NEURL1B: variants seen among roughly 807,000 people sequenced by gnomAD.
NEURL1B encodes the protein neuralized E3 ubiquitin protein ligase 1B, also known as E3 ubiquitin-protein ligase NEURL1B.
A neutral mutation model predicts 37.4 loss-of-function variants in NEURL1B; 13 were observed. The observed-to-expected ratio is 0.35, with a 90% CI of 0.23 to 0.55. The LOEUF is 0.55. NEURL1B is among the 20% of genes least tolerant of loss of function. The pLI is 0.89. For missense variants in NEURL1B, 790 were observed against 879.2 expected (o/e 0.90, Z 1.28); for synonymous variants, 432 against 426.6 (o/e 1.01, Z -0.16).
intron 2 of NEURL1B, among the ~76,000 whole-genome samples, chr5:172,673,244 C>A (rs1375383273): frequency 2.0e-5 from 3 of 152,086 alleles, no homozygotes; most frequent in Non-Finnish European, 4.4e-5. Context: ...ACGAGAACAT[C>A]AAAAATCCCA....
intron 1 of NEURL1B, among the ~76,000 whole-genome samples, chr5:172,650,515 A>G (rs1426087156): frequency 1.3e-5 from 2 of 152,140 alleles, no homozygotes; most frequent in Non-Finnish European, 1.5e-5. Context: ...AGGTGGCGGA[A>G]AGAGGGTGGG....
intron 1 of NEURL1B, among the ~76,000 whole-genome samples, chr5:172,648,060 G>A (rs929159842): frequency 6.2e-4 from 94 of 152,316 alleles, no homozygotes; most frequent in African/African-American, 2.1e-3. Context: ...CTGTCCTGCA[G>A]GTGAGAAGTG....
At chr5:172,659,017 C>A (rs1757844473) in intron 1 of NEURL1B, among the ~76,000 whole-genome samples, 1 of 139,252 alleles carries the variant, frequency 7.2e-6, no homozygotes, top group Non-Finnish European at 1.6e-5. Context: ...TGATGACATC[C>A]ACCACCACCC....
chr5:172,670,405 G>A, intron 2 of NEURL1B, 75 bp downstream of exon 2: 2 of 1,193,742 alleles, frequency 1.7e-6, no homozygotes, highest in East Asian at 3.2e-5. Flanking sequence ...TTCATTAGTA[G>A]CCACAGTCAC....
At chr5:172,680,419 C>T (rs916628147) in intron 2 of NEURL1B, among the ~76,000 whole-genome samples, 13 of 149,836 alleles carry the variant, frequency 8.7e-5, no homozygotes, top group Non-Finnish European at 1.6e-4. Flanking sequence ...GGAGAGTTGG[C>T]GGGGGGGAAG....
At position 172,657,081 on chromosome 5, in the gene NEURL1B, T is replaced by C. The variant is rs1280954738; in HGVS notation, c.32-12704T>C. ...TCCCCATGATGGATGACTGGTTGGC[T>C]AGGGAAGCAATTCTGCATGATAACC... On this transcript the variant is annotated intron_variant, in intron 1 of 4. Coordinates refer to ENST00000369800, the MANE Select transcript of NEURL1B (RefSeq NM_001142651.3). This position sits in a 1 kb window ranked among gnomAD's most constrained non-coding sequence, Gnocchi z 4.0. 6.6e-6 allele frequency among the ~76,000 whole-genome samples: 1 copy of C among 152,214 alleles called. No homozygotes were observed. The highest frequency in any genetic ancestry group is 1.5e-5 in the Non-Finnish European group (1 of 68,026).
At chr5:172,672,902 T>C (rs549806704) in intron 2 of NEURL1B, among the ~76,000 whole-genome samples, 1 of 152,288 alleles carries the variant, frequency 6.6e-6, no homozygotes, top group East Asian at 1.9e-4. Context: ...CTTTAAAAAA[T>C]ACATATATGG....
rs536691173 is a variant in NEURL1B, at chr5:172,686,951, G to A, written c.*26G>A. On this transcript the variant is annotated 3_prime_UTR_variant, in exon 5 of 5. Transcript: ENST00000369800. The surrounding 1 kb of genome is among the most constrained non-coding windows in gnomAD (Gnocchi z 7.9). ...CCTAGCCTGCCCACGGGCCTTGGCC[G>A]GTGCAAGGTCACCTTTCTGAAGGCC... 121 of 1,529,618 alleles carry A rather than the reference G, an allele frequency of 7.9e-5. 1 individual carries two copies. The Admixed American group carries it at 1.7e-3, about 21-fold the overall frequency. 94.8% of individuals were successfully genotyped at this position (1,529,618 alleles called of 1,614,324 possible). A position where few individuals can be genotyped will look rare whatever the true frequency, so the allele number is the denominator to read the frequency against.
chr5:172,656,822 G>A lies in NEURL1B; in HGVS notation c.32-12963G>A, dbSNP rs142334698. On this transcript the variant is annotated intron_variant, in intron 1 of 4. Coordinates refer to ENST00000369800, the MANE Select transcript of NEURL1B (RefSeq NM_001142651.3). Reference sequence around the variant, plus strand: ...AATAAATTTAAAACTCCTAACAACCGCCATGTCCTCATCTTTAGGATGGGG... The same window carrying A: ...AATAAATTTAAAACTCCTAACAACCACCATGTCCTCATCTTTAGGATGGGG... 2.2e-5 allele frequency: 14 copies of A among 631,328 alleles called. 1 individual carries two copies. Among genetic ancestry groups the A allele is most frequent in the Middle Eastern group, 4.2e-4 (1 of 2,360 alleles). 39.1% of individuals were successfully genotyped at this position (631,328 alleles called of 1,614,324 possible).
rs1245299583 is a variant in NEURL1B at position 172,665,462 on chromosome 5, AG to A, written c.32-4321del. On this transcript the variant is annotated intron_variant, in intron 1 of 4. Transcript: ENST00000369800. This position sits in a 1 kb window ranked among gnomAD's most constrained non-coding sequence, Gnocchi z 4.1. ...GCGTCCACCCTCCTTGCTGCCCTGG[AG>A]GCCCCTCCCTGACAGGCAGTGCAGG... 6.6e-5 allele frequency among the ~76,000 whole-genome samples: 10 copies of A among 152,166 alleles called. No homozygotes were observed. The highest frequency in any genetic ancestry group is 2.6e-4 in the Admixed American group (4 of 15,288).
rs182235849 is a variant in NEURL1B at position 172,680,968 on chromosome 5, G to T, written c.578-2451G>T. Among the ~76,000 whole-genome samples the T allele has an allele frequency of 5.9e-5, 9 of 152,304 alleles. No homozygotes were observed. In the East Asian group the frequency reaches 1.7e-3, roughly 29 times the overall value. On this transcript the variant is annotated intron_variant, in intron 2 of 4. Transcript: ENST00000369800. Reference sequence around the variant, plus strand: ...AGAGGTTTAATTAGCTCTTGGTTCCGCAGGCTGTACAGGAAGCACGGCTGG... The same window carrying T: ...AGAGGTTTAATTAGCTCTTGGTTCCTCAGGCTGTACAGGAAGCACGGCTGG...
At position 172,650,941 on chromosome 5, in the gene NEURL1B, G is replaced by A. The variant is rs376180900; in HGVS notation, c.31+9504G>A. 5.3e-5 allele frequency among the ~76,000 whole-genome samples: 8 copies of A among 152,264 alleles called. No homozygotes were observed. The East Asian group carries it at 5.8e-4, about 11-fold the overall frequency. ...ATCGGAATGAGTTAGGGTGGAGCAGGTGATCAGAATGATGGAGCAGATAAT... is the reference window on the plus strand; with the variant it reads ...ATCGGAATGAGTTAGGGTGGAGCAGATGATCAGAATGATGGAGCAGATAAT... On this transcript the variant is annotated intron_variant, in intron 1 of 4. Transcript: ENST00000369800.
In NEURL1B at chr5:172,641,370, A is replaced by G. The variant is rs954551701; in HGVS notation, c.-37A>G. The G allele has an allele frequency of 2.1e-5, 29 of 1,379,374 alleles. No individual in the cohort carries two copies. Among genetic ancestry groups the G allele is most frequent in the East Asian group, 3.1e-5 (1 of 32,546 alleles). 85.4% of individuals were successfully genotyped at this position (1,379,374 alleles called of 1,614,324 possible). ...CCGCGTAATTAGCCTCCGCGCGCCC[A>G]GAGCGCGCCGCCGCCAACGCCGCGC... is the stretch of plus-strand genomic sequence containing the variant. On this transcript the variant is annotated 5_prime_UTR_variant, in exon 1 of 5. Coordinates refer to ENST00000369800, the MANE Select transcript of NEURL1B (RefSeq NM_001142651.3). The surrounding 1 kb of genome is among the most constrained non-coding windows in gnomAD (Gnocchi z 6.4).
In NEURL1B at chr5:172,681,761, A is replaced by G. The variant is rs373246268; in HGVS notation, c.578-1658A>G. Among the ~76,000 whole-genome samples, 10 of 152,256 alleles carry G rather than the reference A, an allele frequency of 6.6e-5. No homozygotes were observed. In the East Asian group the frequency reaches 7.7e-4, roughly 12 times the overall value. ...GGGCATAATTCGAAAAAGCATGTGC[A>G]TTCTTATGATTTCATTTCATATTTG... On this transcript the variant is annotated intron_variant, in intron 2 of 4. Coordinates refer to ENST00000369800, the MANE Select transcript of NEURL1B (RefSeq NM_001142651.3).
intron 1 of NEURL1B, among the ~76,000 whole-genome samples, chr5:172,646,108 C>T (rs1444142224): frequency 6.6e-6 from 1 of 152,090 alleles, no homozygotes; most frequent in African/African-American, 2.4e-5. Flanking sequence ...ACAGCGGGAG[C>T]CGTTGAGAGT....
Position 172,663,829 on chromosome 5 carries a change from T to TTTTTTTTTTTTTTTATTATTATTATTA in NEURL1B, c.32-5954_32-5953insTTTTTTTTTTTTATTATTATTATTATT, listed in dbSNP as rs138220033. On this transcript the variant is annotated intron_variant, in intron 1 of 4. Coordinates refer to ENST00000369800, the MANE Select transcript of NEURL1B (RefSeq NM_001142651.3). ...TTCCTGGCAAAAGAGGTTTTATTTG[T>TTTTTTTTTTTTTTTATTATTATTATTA]TTATTATTATTATTATTATTATTAT... 5.0e-5 allele frequency among the ~76,000 whole-genome samples: 7 copies of TTTTTTTTTTTTTTTATTATTATTATTA among 140,846 alleles called. No individual in the cohort carries two copies. The South Asian group carries it at 1.6e-3, about 33-fold the overall frequency. 92.4% of individuals were successfully genotyped at this position (140,846 alleles called of 152,430 possible).
At chr5:172,666,896 C>A (rs1043248282) in intron 1 of NEURL1B, among the ~76,000 whole-genome samples, 1 of 152,156 alleles carries the variant, frequency 6.6e-6, no homozygotes, top group African/African-American at 2.4e-5. Flanking sequence ...CTTGGGCAGA[C>A]CCCTCTCCCT....
rs866717984 is a variant in NEURL1B, at chr5:172,684,587, C to T, written c.1297+449C>T. Among the ~76,000 whole-genome samples the T allele has an allele frequency of 1.3e-4, 19 of 151,052 alleles. No homozygotes were observed. The Middle Eastern group carries it at 0.014, about 114-fold the overall frequency. ...AGTAAGTGTAGGGAAAAAATAAATT[C>T]GACTGCACATGAAAGAGGAAATAAG... On this transcript the variant is annotated intron_variant, in intron 3 of 4. Transcript: ENST00000369800.
rs2113334082 is a variant in NEURL1B, at chr5:172,684,033, A to G, written c.1192A>G (p.Ile398Val). ...GCCCGGCGGCGACGTGCTCCTGGGC[A>G]TCAACGGGCGTCCGCGCGGCCGCCT... ...LRPGGDVLLG[I>V]NGRPRGRLLC... is the part of the protein sequence containing the mutation. Residue 398 changes from isoleucine (I) to valine (V), a missense_variant, in exon 3 of 5, where the codon ATC becomes GTC. Coordinates refer to ENST00000369800, the MANE Select transcript of NEURL1B (RefSeq NM_001142651.3). 1 of 1,337,764 alleles carries G rather than the reference A, an allele frequency of 7.5e-7. No homozygotes were observed. Among genetic ancestry groups the G allele is most frequent in the Non-Finnish European group, 9.6e-7 (1 of 1,041,650 alleles). 82.9% of individuals were successfully genotyped at this position (1,337,764 alleles called of 1,614,324 possible).
Sources: gnomAD v4.1 joint callset for allele counts (sites outside exome capture counted in the v4.1 genomes callset) on GRCh38, gnomAD v4.1.1 for gene constraint, Gnocchi (gnomAD v3.1) non-coding constraint, MANE v1.5 for transcripts, NCBI Gene and HGNC (gene_info 2026-07-23, HGNC 2026-07-21) for gene names.